The following HMG20A variants were observed in gnomAD, a reference collection of about 807,000 sequenced individuals.
The protein encoded by HMG20A is high mobility group protein 20A.
Under a neutral mutation model 43.9 loss-of-function variants are expected in HMG20A, and 17 were observed. That is an observed-to-expected ratio of 0.39 (90% CI 0.27 to 0.58). The LOEUF is 0.58. Among genes scored for constraint, HMG20A ranks in the 20% least tolerant of loss-of-function variants. The probability of loss-of-function intolerance (pLI) is 0.59; values close to 1 mark genes in which losing one functional copy is unlikely to be tolerated. For synonymous variants in HMG20A, 132 were observed against 147.5 expected (o/e 0.89, Z 0.76); for missense variants, 341 against 438.2 (o/e 0.78, Z 1.98).
At chr15:77,518,509 C>T in the HMG20A span, among the ~76,000 whole-genome samples, 1 of 152,212 alleles carries the variant, frequency 6.6e-6, no homozygotes, top group African/African-American at 2.4e-5. Flanking sequence ...CTCTTACCTA[C>T]ATTACTCACC....
intron 6 of HMG20A, among the ~76,000 whole-genome samples, chr15:77,474,031 C>A (rs2040558533): frequency 6.6e-6 from 1 of 152,128 alleles, no homozygotes; most frequent in Non-Finnish European, 1.5e-5. Context: ...AGTTTTAAAA[C>A]TGTTTTTAAA....
intron 1 of HMG20A, among the ~76,000 whole-genome samples, chr15:77,421,617 A>G: frequency 6.6e-6 from 1 of 152,226 alleles, no homozygotes; most frequent in Admixed American, 6.5e-5. Flanking sequence ...TAAGGAGATA[A>G]CTTTTTATTT....
At chr15:77,488,609 T>C (rs1046138452), downstream of HMG20A, among the ~76,000 whole-genome samples, 15 of 152,322 alleles carry the variant, frequency 9.8e-5, no homozygotes, top group African/African-American at 3.1e-4. Flanking sequence ...AAATGAAATA[T>C]GAAAATCTGA....
At chr15:77,446,505 G>A (rs770773044) in intron 1 of HMG20A, among the ~76,000 whole-genome samples, 1 of 152,090 alleles carries the variant, frequency 6.6e-6, no homozygotes, top group Non-Finnish European at 1.5e-5. Flanking sequence ...ACCAAGATGT[G>A]AGTAAAAAGT....
At chr15:77,473,281 C>T (rs575033737) in intron 6 of HMG20A, among the ~76,000 whole-genome samples, 10 of 152,272 alleles carry the variant, frequency 6.6e-5, no homozygotes, top group African/African-American at 2.4e-4. Flanking sequence ...GCTGGAGAAA[C>T]TTTGTATGTA....
At chr15:77,436,369 C>G (rs1405664150) in intron 1 of HMG20A, among the ~76,000 whole-genome samples, 1 of 152,132 alleles carries the variant, frequency 6.6e-6, no homozygotes, top group African/African-American at 2.4e-5. Flanking sequence ...TGTTGTTATC[C>G]TTTTCTAAGC....
intron 1 of HMG20A, among the ~76,000 whole-genome samples, chr15:77,452,478 T>G (rs1011528143): frequency 1.3e-5 from 2 of 152,078 alleles, no homozygotes; most frequent in African/African-American, 4.8e-5. Context: ...TAAGATGAGA[T>G]GTGAAGGATA....
the HMG20A span, among the ~76,000 whole-genome samples, chr15:77,492,843 A>C: frequency 6.6e-6 from 1 of 152,080 alleles, no homozygotes; most frequent in Non-Finnish European, 1.5e-5. Flanking sequence ...AAGAGGAAGA[A>C]GAAGAGCATG....
intron 1 of HMG20A, among the ~76,000 whole-genome samples, chr15:77,451,098 C>T (rs772849915): frequency 6.6e-6 from 1 of 152,184 alleles, no homozygotes; most frequent in East Asian, 1.9e-4. Flanking sequence ...CTTCATAACT[C>T]ATATCTTTTT....
At chr15:77,507,479 AT>A in the HMG20A span, among the ~76,000 whole-genome samples, 2 of 152,320 alleles carry the variant, frequency 1.3e-5, no homozygotes, top group African/African-American at 4.8e-5. Flanking sequence ...CTGAGTCTAG[AT>A]TTATGTGAAA....
At chr15:77,438,876 C>T (rs1053339420) in intron 1 of HMG20A, among the ~76,000 whole-genome samples, 22 of 152,102 alleles carry the variant, frequency 1.4e-4, no homozygotes, top group African/African-American at 5.1e-4. Context: ...CTGCAAGCTC[C>T]GCCTCCCTGG....
the HMG20A span, among the ~76,000 whole-genome samples, chr15:77,510,292 A>G: frequency 6.6e-6 from 1 of 152,202 alleles, no homozygotes; most frequent in East Asian, 1.9e-4. Context: ...CTGGCTGCGC[A>G]TGGATGATGA....
chr15:77,507,240 G>A, the HMG20A span, among the ~76,000 whole-genome samples: 27 of 152,116 alleles, frequency 1.8e-4, no homozygotes, highest in Non-Finnish European at 2.6e-4. Flanking sequence ...AAATCTCTCC[G>A]TGCATCATGT....
chr15:77,449,159 C>T (rs578058099), intron 1 of HMG20A, among the ~76,000 whole-genome samples: 3 of 152,068 alleles, frequency 2.0e-5, no homozygotes, highest in Admixed American at 6.6e-5. Context: ...CCCCAGTGCC[C>T]AGCCAAACAC....
At chr15:77,422,431 C>T (rs1180232528) in intron 1 of HMG20A, among the ~76,000 whole-genome samples, 1 of 152,150 alleles carries the variant, frequency 6.6e-6, no homozygotes, top group Non-Finnish European at 1.5e-5. Context: ...GCCTGGCCAG[C>T]ATGGTGAAAC....
chr15:77,511,547 G>C, the HMG20A span, among the ~76,000 whole-genome samples: 1 of 152,154 alleles, frequency 6.6e-6, no homozygotes, highest in Non-Finnish European at 1.5e-5. Flanking sequence ...ATAATATCCA[G>C]AATATATAAA....
intron 1 of HMG20A, among the ~76,000 whole-genome samples, chr15:77,453,463 A>G (rs1200076178): frequency 6.6e-6 from 1 of 152,206 alleles, no homozygotes; most frequent in African/African-American, 2.4e-5. Context: ...TGGAACCCTA[A>G]TAGGTTACTG....
intron 6 of HMG20A, among the ~76,000 whole-genome samples, chr15:77,475,515 G>C (rs986384311): frequency 4.6e-5 from 7 of 152,204 alleles, no homozygotes; most frequent in African/African-American, 1.7e-4. Context: ...ATGGTAATGG[G>C]AGCCAAGCGT....
chr15:77,446,920 A>G (rs556832316), intron 1 of HMG20A, among the ~76,000 whole-genome samples: 1 of 152,266 alleles, frequency 6.6e-6, no homozygotes, highest in South Asian at 2.1e-4. Flanking sequence ...TTTTCCTCCA[A>G]ATAGAAAATT....
Sources: gnomAD v4.1 joint callset for allele counts (sites outside exome capture counted in the v4.1 genomes callset) on GRCh38, gnomAD v4.1.1 for gene constraint, MANE v1.5 for transcripts, NCBI Gene and HGNC (gene_info 2026-07-23, HGNC 2026-07-21) for gene names.